The following TRIM37 variants were observed in gnomAD, a reference collection of about 807,000 sequenced individuals.
The protein encoded by TRIM37 is E3 ubiquitin-protein ligase TRIM37.
TRIM37 carries 80 observed loss-of-function variants against 129.8 expected under a neutral mutation model. The ratio of observed to expected loss-of-function variants is 0.62; its 90% CI spans 0.51 to 0.74. The LOEUF is 0.74. Among genes scored for constraint, TRIM37 ranks in the 30% least tolerant of loss-of-function variants. The pLI is 0.00. For synonymous variants in TRIM37, 389 were observed against 387.1 expected (o/e 1.00, Z -0.06); for missense variants, 1,054 against 1,176.5 (o/e 0.90, Z 1.52).
intron 17 of TRIM37, among the ~76,000 whole-genome samples, chr17:59,039,399 T>C (rs963455692): frequency 6.7e-6 from 1 of 148,564 alleles, no homozygotes; most frequent in Admixed American, 6.8e-5. Flanking sequence ...CAGGTTGGAG[T>C]GCGGTGGCGC....
intron 2 of TRIM37, among the ~76,000 whole-genome samples, chr17:59,093,588 G>T: frequency 6.6e-6 from 1 of 152,072 alleles, no homozygotes; most frequent in Non-Finnish European, 1.5e-5. Flanking sequence ...TTATTACGAC[G>T]ACTTATTTGT....
intron 2 of TRIM37, among the ~76,000 whole-genome samples, chr17:59,092,726 TCTA>T (rs1208332047): frequency 1.2e-4 from 18 of 152,324 alleles, no homozygotes; most frequent in African/African-American, 3.1e-4. Flanking sequence ...TTTATCTCTT[TCTA>T]CTTTTTAAAA....
At chr17:59,025,355 CCCATGAATATTATTG>C (rs1213417278) in intron 19 of TRIM37, among the ~76,000 whole-genome samples, 2 of 150,464 alleles carry the variant, frequency 1.3e-5, no homozygotes, top group Admixed American at 1.3e-4. Context: ...AAAAATAAGA[CCCATGAATATTATTG>C]CCATGAATAT....
intron 16 of TRIM37, among the ~76,000 whole-genome samples, chr17:59,042,441 A>ATATATATATATATATAT (rs1555661491): frequency 2.5e-4 from 21 of 84,398 alleles, no homozygotes; most frequent in African/African-American, 8.9e-4. Context: ...TAAAAAAAAA[A>ATATATATATATATATAT]AAAAAAAAAT....
chr17:59,047,971 G>A, intron 15 of TRIM37, 152 bp from the exon 16 acceptor site: 1 of 849,322 alleles, frequency 1.2e-6, no homozygotes, highest in Non-Finnish European at 1.9e-6. Flanking sequence ...GCCCTGTAGA[G>A]AAAAATCACA....
chr17:59,008,613 C>T (rs534093529), intron 22 of TRIM37, among the ~76,000 whole-genome samples: 97 of 152,240 alleles, frequency 6.4e-4, no homozygotes, highest in African/African-American at 2.2e-3. Context: ...AAGTCCAAAT[C>T]GGGCGGCCGG....
chr17:58,991,991 G>A (rs972090757), intron 24 of TRIM37, among the ~76,000 whole-genome samples: 6 of 152,030 alleles, frequency 3.9e-5, no homozygotes, highest in African/African-American at 1.4e-4. Context: ...CAAGCTCCAA[G>A]TTCCGGGATC....
intron 19 of TRIM37, among the ~76,000 whole-genome samples, chr17:59,017,959 C>A (rs2036157004): frequency 6.6e-6 from 1 of 152,100 alleles, no homozygotes; most frequent in African/African-American, 2.4e-5. Context: ...TATCTGTGAG[C>A]TCCTTAAGAA....
chr17:59,031,074 C>T (rs2037789790), intron 18 of TRIM37, among the ~76,000 whole-genome samples: 1 of 152,136 alleles, frequency 6.6e-6, no homozygotes. Context: ...CCTAAATAAT[C>T]TGGGCTCCAT....
chr17:59,059,937 G>A (rs1375123124), intron 12 of TRIM37, among the ~76,000 whole-genome samples: 1 of 152,170 alleles, frequency 6.6e-6, no homozygotes, highest in Non-Finnish European at 1.5e-5. Flanking sequence ...GTGAACACCA[G>A]TCACTCACTA....
chr17:58,982,835 C>T (rs986823870), exon 25 of TRIM37: 1 of 1,400,190 alleles, frequency 7.1e-7, no homozygotes, highest in African/African-American at 1.4e-5. Flanking sequence ...CTTTGCCCCA[C>T]ACATGGTCCT....
chr17:58,996,475 A>G (rs1292833698), downstream of TRIM37, among the ~76,000 whole-genome samples: 1 of 151,444 alleles, frequency 6.6e-6, no homozygotes, highest in Non-Finnish European at 1.5e-5. Flanking sequence ...GTCTCAAAAA[A>G]AAAAAAAAAA....
chr17:59,062,641 G>A lies in TRIM37; in HGVS notation c.868C>T (p.Arg290Cys), dbSNP rs757889738. The A allele has an allele frequency of 3.7e-6, 6 of 1,613,604 alleles. No individual in the cohort carries two copies. Among genetic ancestry groups the A allele is most frequent in the East Asian group, 2.2e-5 (1 of 44,870 alleles). The stretch of plus-strand genomic sequence containing the variant: ...CTGTAAACAGGATCTGCTCTCTGAC[G>A]CAAAGTGCTAACGAAAAAGAAAACC... ...TFVLENFSTL[R>C]QRADPVYSPP... Residue 290 changes from arginine (R) to cysteine (C), a missense_variant, in exon 11 of 24, where the codon CGT becomes TGT. Physicochemically the swap from Arg to Cys is radical, Grantham distance 180 (BLOSUM62 -3). Around this residue, in one of 3 missense-constraint regions of TRIM37, gnomAD observed 752 missense variants for 870.8 expected, o/e 0.86. Transcript: ENST00000262294.
chr17:59,083,434 C>CAA (rs780112963), intron 5 of TRIM37, among the ~76,000 whole-genome samples: 13 of 98,206 alleles, frequency 1.3e-4, no homozygotes, highest in Admixed American at 2.1e-4. Context: ...GCGAAATTCT[C>CAA]AAAAAAAAAA....
chr17:59,047,023 G>C (rs1050145461), intron 16 of TRIM37, among the ~76,000 whole-genome samples: 3 of 151,614 alleles, frequency 2.0e-5, no homozygotes, highest in Non-Finnish European at 4.4e-5. Flanking sequence ...GCGAGGTGGC[G>C]GGCGCCTGTA....
chr17:58,989,296 C>T (rs1461406197), intron 24 of TRIM37, among the ~76,000 whole-genome samples: 1 of 152,020 alleles, frequency 6.6e-6, no homozygotes. Context: ...ATCAGCCAGG[C>T]GTGGTGGTGC....
intron 5 of TRIM37, among the ~76,000 whole-genome samples, chr17:59,082,007 C>T (rs919258112): frequency 6.7e-5 from 10 of 149,080 alleles, no homozygotes; most frequent in African/African-American, 2.2e-4. Flanking sequence ...TGGTGGCTCA[C>T]GCCTGTAATC....
chr17:59,088,259 T>C, intron 4 of TRIM37, 32 bp downstream of exon 4: 1 of 1,450,916 alleles, frequency 6.9e-7, no homozygotes, highest in African/African-American at 1.4e-5. Context: ...GCAAAATCCA[T>C]TCAATATTGA....
rs1368202032 is a variant in TRIM37 at position 59,028,476 on chromosome 17, C to A, written c.2196G>T (p.Leu732Phe). ...CCAGGAGTTCCATTCCCAAATCCTG[C>A]AATCTGCCAGAGTTTTCAGTTCCAC... Reference protein sequence around the residue: ...AACGTENSGRLQDLGMELLAK... With the variant: ...AACGTENSGRFQDLGMELLAK... The change falls in exon 19 of 24, where the codon TTG (leucine) becomes TTT (phenylalanine). Residue 732 changes from leucine to phenylalanine, a missense_variant. This residue lies in a region of TRIM37 where 15 missense variants were observed against 31.4 expected (regional missense o/e 0.48). Coordinates refer to ENST00000262294, the MANE Select transcript of TRIM37 (RefSeq NM_015294.6). 1 of 1,613,972 alleles carries A rather than the reference C, an allele frequency of 6.2e-7. No homozygotes were observed. Among genetic ancestry groups the A allele is most frequent in the Non-Finnish European group, 8.5e-7 (1 of 1,180,032 alleles).
Sources: allele counts gnomAD v4.1 joint callset (sites outside exome capture counted in the v4.1 genomes callset), GRCh38; gene constraint gnomAD v4.1.1; regional missense constraint gnomAD v4.1.1; transcripts MANE v1.5; gene names NCBI Gene and HGNC (gene_info 2026-07-23, HGNC 2026-07-21).